Variants in DTNA observed in about 807,000 individuals in gnomAD.
The protein encoded by DTNA is dystrobrevin alpha, also known as dystrophin-related protein 3.
Under a neutral mutation model 100.7 loss-of-function variants are expected in DTNA, and 43 were observed. The ratio of observed to expected loss-of-function variants is 0.43; its 90% CI spans 0.33 to 0.55. DTNA has a LOEUF of 0.55. DTNA is among the 20% of genes least tolerant of loss of function. DTNA has a pLI of 0.04. For missense variants in DTNA, 798 were observed against 953.9 expected, an observed-to-expected ratio of 0.84 and a Z score of 2.15; for synonymous variants, 349 against 347.9, an observed-to-expected ratio of 1.00 and a Z score of -0.04.
At chr18:34,609,125 C>A (rs2053701482) in intron 1 of DTNA, among the ~76,000 whole-genome samples, 1 of 152,146 alleles carries the variant, frequency 6.6e-6, no homozygotes. Flanking sequence ...CCACACAATT[C>A]TCATAGGGAT....
intron 1 of DTNA, among the ~76,000 whole-genome samples, chr18:34,615,735 C>T (rs1490570055): frequency 6.6e-6 from 1 of 152,174 alleles, no homozygotes. Flanking sequence ...AGACCTCACA[C>T]TCCTCCCACC....
intron 1 of DTNA, among the ~76,000 whole-genome samples, chr18:34,702,495 T>G (rs1453547052): frequency 6.6e-6 from 1 of 152,178 alleles, no homozygotes; most frequent in Non-Finnish European, 1.5e-5. Context: ...AATAATAGAA[T>G]CCATTGGCGT....
chr18:34,551,766 A>G (rs1478303550), intron 1 of DTNA, among the ~76,000 whole-genome samples: 2 of 152,154 alleles, frequency 1.3e-5, no homozygotes, highest in Non-Finnish European at 2.9e-5. Context: ...TTAAAAATAT[A>G]TATCACATTG....
Position 34,864,041 on chromosome 18 carries a change from G to A in DTNA, c.1722G>A (p.Glu574=), listed in dbSNP as rs1467793178. Residue 574 remains glutamate (E), a synonymous_variant, in exon 17 of 23, where the codon GAG becomes GAA. Coordinates refer to ENST00000444659, the MANE Select transcript of DTNA (RefSeq NM_001386795.1). ...ESRRELMVQL[E]GLMKLLKTQG... ...GGAGAGAGCTAATGGTCCAGTTGGA[G>A]GGTCTCATGAAGCTACTAAAGGTAA... 1.2e-6 allele frequency: 2 copies of A among 1,611,046 alleles called. No homozygotes were observed. Among genetic ancestry groups the A allele is most frequent in the Non-Finnish European group, 1.7e-6 (2 of 1,178,732 alleles).
rs1334340647 is a variant in DTNA at position 34,710,376 on chromosome 18, G to A, written c.-71G>A. ...GAAATGTGTAAGGTCAAATACTATA[G>A]TTTTCAGCATATGTAGTACTTCAGA... On this transcript the variant is annotated 5_prime_UTR_variant, in exon 1 of 23. Coordinates refer to ENST00000444659, the MANE Select transcript of DTNA (RefSeq NM_001386795.1). 1 of 152,162 alleles carries A rather than the reference G, an allele frequency of 6.6e-6. No individual in the cohort carries two copies. Among genetic ancestry groups the A allele is most frequent in the Admixed American group, 6.6e-5 (1 of 15,262 alleles). The allele number at this position is 152,162 out of a possible 1,614,324, so 9.4% of individuals were successfully genotyped here.
intron 1 of DTNA, among the ~76,000 whole-genome samples, chr18:34,744,904 C>T (rs1275693088): frequency 6.6e-6 from 1 of 152,056 alleles, no homozygotes; most frequent in Non-Finnish European, 1.5e-5. Flanking sequence ...TTAAGAAGCT[C>T]AGTGGGATTT....
chr18:34,556,761 C>A (rs2046103009), intron 1 of DTNA, among the ~76,000 whole-genome samples: 1 of 151,978 alleles, frequency 6.6e-6, no homozygotes, highest in Admixed American at 6.5e-5. Flanking sequence ...GATGGGCTTC[C>A]CTTTGAGGGT....
chr18:34,604,256 C>T (rs16965630), intron 1 of DTNA, among the ~76,000 whole-genome samples: 5,225 of 152,166 alleles, frequency 0.034, 266 homozygotes, highest in African/African-American at 0.12. Context: ...GTTCCTCTCC[C>T]ATCATTTCAA....
chr18:34,558,659 G>T (rs4636991), intron 1 of DTNA, among the ~76,000 whole-genome samples: 6,805 of 152,230 alleles, frequency 0.045, 251 homozygotes, highest in Non-Finnish European at 0.071. Context: ...GGAAAGTGAA[G>T]AATTTTTTAC....
rs1280579295 is a variant in DTNA at position 34,554,586 on chromosome 18, G to C, written c.-2+61072G>C. 4.9e-4 allele frequency among the ~76,000 whole-genome samples: 68 copies of C among 139,452 alleles called. 1 individual carries two copies. The East Asian group carries it at 0.011, about 23-fold the overall frequency. The allele number at this position is 139,452 out of a possible 152,430, so 91.5% of individuals were successfully genotyped here. Reference sequence around the variant, plus strand: ...TTTATTGAGAGTTTTTAGCATGAAGGGTTGTTGAATTTTGTCAAAGGCCTT... The same window carrying C: ...TTTATTGAGAGTTTTTAGCATGAAGCGTTGTTGAATTTTGTCAAAGGCCTT... On this transcript the variant is annotated intron_variant, in intron 1 of 19. Transcript: ENST00000283365.
In DTNA at chr18:34,869,581, T is replaced by C. The variant is rs557819399; in HGVS notation, c.1743+5519T>C. Among the ~76,000 whole-genome samples the C allele has an allele frequency of 5.9e-5, 9 of 152,354 alleles. 1 individual carries two copies. In the South Asian group the frequency reaches 1.9e-3, roughly 32 times the overall value. On this transcript the variant is annotated intron_variant, in intron 17 of 22. Transcript: ENST00000444659. ...TTTCGCCATAATTTGAGTAGGTATATTAAACAGCTAATACAGTGAAGGGCT... is the reference window on the plus strand; with the variant it reads ...TTTCGCCATAATTTGAGTAGGTATACTAAACAGCTAATACAGTGAAGGGCT...
chr18:34,886,721 C>T (rs934599212), intron 22 of DTNA, among the ~76,000 whole-genome samples: 1 of 152,182 alleles, frequency 6.6e-6, no homozygotes, highest in Non-Finnish European at 1.5e-5. Flanking sequence ...CCATTTACTG[C>T]ATCCTGTAGC....
At chr18:34,828,492 G>T (rs1196428352) in intron 10 of DTNA, among the ~76,000 whole-genome samples, 1 of 152,148 alleles carries the variant, frequency 6.6e-6, no homozygotes, top group East Asian at 1.9e-4. Context: ...TTCACAAAAT[G>T]CACATAATTC....
intron 1 of DTNA, among the ~76,000 whole-genome samples, chr18:34,640,545 GTTCA>G (rs918908416): frequency 6.6e-6 from 1 of 152,162 alleles, no homozygotes; most frequent in African/African-American, 2.4e-5. Context: ...TCACTTATTT[GTTCA>G]TTCATCCTAT....
At chr18:34,536,414 C>A (rs2439000) in intron 1 of DTNA, among the ~76,000 whole-genome samples, 8 of 151,866 alleles carry the variant, frequency 5.3e-5, no homozygotes, top group African/African-American at 9.6e-5. Context: ...TTCTTATTCC[C>A]GGACCATCAA....
intron 1 of DTNA, among the ~76,000 whole-genome samples, chr18:34,642,550 T>C (rs1410011462): frequency 1.3e-5 from 2 of 151,570 alleles, no homozygotes; most frequent in East Asian, 1.9e-4. Context: ...TCCTTCCTTC[T>C]TTCTTTCTTT....
rs554202696 is a variant in DTNA at position 34,816,331 on chromosome 18, G to A, written c.709+317G>A. ...ATTATTTTGTATTTGTTTTAGATCCGAATTTCTCATATTTGCATACACGGT... is the reference window on the plus strand; with the variant it reads ...ATTATTTTGTATTTGTTTTAGATCCAAATTTCTCATATTTGCATACACGGT... On this transcript the variant is annotated intron_variant, in intron 7 of 22. Coordinates refer to ENST00000444659, the MANE Select transcript of DTNA (RefSeq NM_001386795.1). Among the ~76,000 whole-genome samples the A allele has an allele frequency of 6.6e-5, 10 of 152,154 alleles. No homozygotes were observed. The East Asian group carries it at 7.7e-4, about 12-fold the overall frequency.
rs538500679 is a variant in DTNA at position 34,828,168 on chromosome 18, A to G, written c.1085+492A>G. 2.6e-5 allele frequency among the ~76,000 whole-genome samples: 4 copies of G among 152,298 alleles called. No homozygotes were observed. The South Asian group carries it at 8.3e-4, about 32-fold the overall frequency. ...TGGAAATGTAGTTTCCATATAAGTA[A>G]TTTCACGATAATAATAAGAACTTTT... On this transcript the variant is annotated intron_variant, in intron 10 of 22. Transcript: ENST00000444659.
At chr18:34,799,661 CTTG>C (rs1324313928) in intron 4 of DTNA, among the ~76,000 whole-genome samples, 2 of 152,180 alleles carry the variant, frequency 1.3e-5, no homozygotes, top group African/African-American at 4.8e-5. Flanking sequence ...TAACTAAAAT[CTTG>C]TTGTAGTGAA....
Sources: allele counts gnomAD v4.1 joint callset (sites outside exome capture counted in the v4.1 genomes callset), GRCh38; gene constraint gnomAD v4.1.1; transcripts MANE v1.5; gene names NCBI Gene and HGNC (gene_info 2026-07-23, HGNC 2026-07-21).